UBASH3B: variants seen among roughly 807,000 people sequenced by gnomAD.
UBASH3B encodes the protein ubiquitin associated and SH3 domain containing B, also known as ubiquitin-associated and SH3 domain-containing protein B.
Under a neutral mutation model 83.4 loss-of-function variants are expected in UBASH3B, and 37 were observed. That is an observed-to-expected ratio of 0.44 (90% CI 0.34 to 0.58). UBASH3B has a LOEUF of 0.58. UBASH3B is among the 20% of genes least tolerant of loss of function. UBASH3B has a pLI of 0.01. For synonymous variants in UBASH3B, 304 were observed against 318.3 expected, an observed-to-expected ratio of 0.96 and a Z score of 0.48; for missense variants, 657 against 827.2, an observed-to-expected ratio of 0.79 and a Z score of 2.52.
intron 1 of UBASH3B, among the ~76,000 whole-genome samples, chr11:122,729,647 T>C (rs1018929889): frequency 9.9e-5 from 15 of 151,880 alleles, no homozygotes; most frequent in African/African-American, 2.9e-4. Context: ...TAAAATGATA[T>C]AATACCTGGG....
intron 1 of UBASH3B, among the ~76,000 whole-genome samples, chr11:122,718,750 C>T (rs1047760144): frequency 7.2e-5 from 11 of 152,172 alleles, no homozygotes; most frequent in Admixed American, 2.0e-4. Context: ...TGTTTTGTGG[C>T]GGGAGGGATA....
chr11:122,794,914 C>T, intron 7 of UBASH3B, 80 bp downstream of exon 7: 2 of 1,565,134 alleles, frequency 1.3e-6, no homozygotes, highest in Non-Finnish European at 8.6e-7. Context: ...TGAGGCCTTG[C>T]CCTTGCTGTC....
In UBASH3B at chr11:122,779,616, C is replaced by T. The variant is rs566528878; in HGVS notation, c.522C>T (p.Gly174=). The part of the protein sequence containing the change: ...LELYTSSNFI[G]LFVKEDSAEV... ...TCTATACGTCGTCCAACTTCATCGG[C>T]CTCTTTGTAAAGGAAGACAGTGCGG... is the stretch of plus-strand genomic sequence containing the variant. The change falls in exon 4 of 14, where the codon GGC becomes GGT. Residue 174 remains glycine, a synonymous_variant. Coordinates refer to ENST00000284273, the MANE Select transcript of UBASH3B (RefSeq NM_032873.5). 6.2e-7 allele frequency: 1 copy of T among 1,614,192 alleles called. No homozygotes were observed. Among genetic ancestry groups the T allele is most frequent in the South Asian group, 1.1e-5 (1 of 91,086 alleles).
chr11:122,802,187 C>T (rs190680214), intron 11 of UBASH3B, among the ~76,000 whole-genome samples: 24 of 151,934 alleles, frequency 1.6e-4, no homozygotes, highest in African/African-American at 3.6e-4. Context: ...TGGTGGCACA[C>T]GCCTGTAGTC....
At chr11:122,667,512 A>G (rs1863535777) in intron 1 of UBASH3B, among the ~76,000 whole-genome samples, 1 of 152,232 alleles carries the variant, frequency 6.6e-6, no homozygotes, top group African/African-American at 2.4e-5. Context: ...ATACACGATT[A>G]TGATAAAGCG....
chr11:122,685,330 T>G (rs1285121781), intron 1 of UBASH3B, among the ~76,000 whole-genome samples: 1 of 152,112 alleles, frequency 6.6e-6, no homozygotes, highest in Non-Finnish European at 1.5e-5. Context: ...CCTGGAAGAG[T>G]GTTTGCCACA....
intron 1 of UBASH3B, among the ~76,000 whole-genome samples, chr11:122,767,001 C>T (rs1226120593): frequency 6.6e-6 from 1 of 152,138 alleles, no homozygotes; most frequent in Non-Finnish European, 1.5e-5. Context: ...ATCTCTAGGC[C>T]GGGCGCAGTG....
chr11:122,664,344 G>T (rs1863485704), intron 1 of UBASH3B, among the ~76,000 whole-genome samples: 1 of 152,076 alleles, frequency 6.6e-6, no homozygotes, highest in South Asian at 2.1e-4. Flanking sequence ...AGAGAGTGGG[G>T]AGAAAAAACC....
At chr11:122,657,127 A>G (rs1344693640) in intron 1 of UBASH3B, among the ~76,000 whole-genome samples, 1 of 152,190 alleles carries the variant, frequency 6.6e-6, no homozygotes, top group Non-Finnish European at 1.5e-5. Flanking sequence ...CAGATTTCTT[A>G]GGTGGGGACA....
chr11:122,764,629 T>G (rs533328814), intron 1 of UBASH3B, among the ~76,000 whole-genome samples: 1 of 152,340 alleles, frequency 6.6e-6, no homozygotes, highest in Non-Finnish European at 1.5e-5. Flanking sequence ...TGGGACTGAA[T>G]TGCGTGGATC....
intron 1 of UBASH3B, among the ~76,000 whole-genome samples, chr11:122,698,458 T>C (rs1012350740): frequency 2.6e-5 from 4 of 152,116 alleles, no homozygotes; most frequent in African/African-American, 7.2e-5. Context: ...CAGGAGAGAA[T>C]GGCTTTGGAA....
intron 1 of UBASH3B, among the ~76,000 whole-genome samples, chr11:122,682,318 G>A (rs961780340): frequency 2.0e-5 from 3 of 152,184 alleles, no homozygotes; most frequent in African/African-American, 7.2e-5. Flanking sequence ...CGTCCAGTAT[G>A]AGATCTCATC....
At position 122,693,260 on chromosome 11, in the gene UBASH3B, C is replaced by T. The variant is rs143578182; in HGVS notation, c.161+37050C>T. ...TCATCAGTTAAGGCTATTTTCACTT[C>T]TTTTGTGGATCTTCAGTTGCTTCAG... On this transcript the variant is annotated intron_variant, in intron 1 of 13. Transcript: ENST00000284273. Among the ~76,000 whole-genome samples, 228 of 152,316 alleles carry T rather than the reference C, an allele frequency of 1.5e-3. 2 individuals are homozygous for T. Among genetic ancestry groups the T allele is most frequent in the East Asian group, 0.013 (67 of 5,190 alleles).
At chr11:122,781,201 C>T (rs1435920013) in intron 4 of UBASH3B, among the ~76,000 whole-genome samples, 1 of 151,082 alleles carries the variant, frequency 6.6e-6, no homozygotes, top group Non-Finnish European at 1.5e-5. Context: ...CCCTCAGCGA[C>T]GGGACTAGTC....
chr11:122,692,205 C>T (rs574973138), intron 1 of UBASH3B, among the ~76,000 whole-genome samples: 4 of 152,250 alleles, frequency 2.6e-5, no homozygotes, highest in Admixed American at 1.3e-4. Flanking sequence ...ATAGTAGGTA[C>T]TCCATATAAG....
Position 122,743,212 on chromosome 11 carries a change from ATC to A in UBASH3B, c.162-32989_162-32988del, listed in dbSNP as rs145777140. Among the ~76,000 whole-genome samples the A allele has an allele frequency of 3.6e-4, 53 of 149,230 alleles. 1 individual carries two copies. Among genetic ancestry groups the A allele is most frequent in the Middle Eastern group, 3.5e-3 (1 of 284 alleles). Reference sequence around the variant, plus strand: ...CTGGGACCCTGGAACAAGTGACTTAATCTCTCTCTCTCTCTCTCTTTGAGGCA... The same window carrying A: ...CTGGGACCCTGGAACAAGTGACTTAATCTCTCTCTCTCTCTCTTTGAGGCA... On this transcript the variant is annotated intron_variant, in intron 1 of 13. Coordinates refer to ENST00000284273, the MANE Select transcript of UBASH3B (RefSeq NM_032873.5).
intron 6 of UBASH3B, among the ~76,000 whole-genome samples, chr11:122,791,502 G>A (rs1353717070): frequency 1.3e-5 from 2 of 152,126 alleles, no homozygotes; most frequent in Non-Finnish European, 2.9e-5. Flanking sequence ...TCTATCTTGT[G>A]TTTGCCAGTC....
chr11:122,740,981 G>T (rs76412677), intron 1 of UBASH3B, among the ~76,000 whole-genome samples: 1 of 152,160 alleles, frequency 6.6e-6, no homozygotes, highest in African/African-American at 2.4e-5. Flanking sequence ...CAAATCGTTC[G>T]CAGGGATTTT....
At chr11:122,805,697 A>C (rs6589954) in intron 11 of UBASH3B, among the ~76,000 whole-genome samples, 65,197 of 152,022 alleles carry the variant, frequency 0.43, 14,869 homozygotes, top group Middle Eastern at 0.61. Flanking sequence ...AGTCCCTCCC[A>C]CAACATGTGG....
Sources: allele counts gnomAD v4.1 joint callset (sites outside exome capture counted in the v4.1 genomes callset), GRCh38; gene constraint gnomAD v4.1.1; transcripts MANE v1.5; gene names NCBI Gene and HGNC (gene_info 2026-07-23, HGNC 2026-07-21).